The following ZNF615 variants were observed in gnomAD, a reference collection of about 807,000 sequenced individuals.
The protein encoded by ZNF615 is zinc finger protein 615.
ZNF615 carries 15 observed loss-of-function variants against 15.3 expected under a neutral mutation model. That is an observed-to-expected ratio of 0.98 (90% CI 0.66 to 1.51). The LOEUF (loss-of-function observed/expected upper bound fraction) is 1.51. Ranked by LOEUF, ZNF615 falls within the 40% of genes most tolerant of loss-of-function variation. ZNF615 has a pLI of 0.00. For synonymous variants in ZNF615, 268 were observed against 294.6 expected, an observed-to-expected ratio of 0.91 and a Z score of 0.92; for missense variants, 848 against 895.9, an observed-to-expected ratio of 0.95 and a Z score of 0.68.
rs372246788 is a variant in ZNF615, at chr19:51,994,358, C to T, written c.751G>A (p.Ala251Thr). 3.3e-5 allele frequency: 53 copies of T among 1,614,104 alleles called. No individual in the cohort carries two copies. In the South Asian group the frequency reaches 5.1e-4, roughly 15 times the overall value. Residue 251 changes from alanine to threonine, a missense_variant, in exon 7 of 7, where the codon GCT (alanine) becomes ACT (threonine). Transcript: ENST00000598071. ...KPHVCSMCGK[A>T]FSRKSRLMDH... is the part of the protein sequence containing the mutation. ...ATTAGTCTGGATTTTCTGGAGAAAGCTTTCCCACACATACTGCATACATGA... is the reference window on the plus strand; with the variant it reads ...ATTAGTCTGGATTTTCTGGAGAAAGTTTTCCCACACATACTGCATACATGA...
rs2086605715 is a variant in ZNF615 at position 52,001,872 on chromosome 19, A to C, written c.179T>G (p.Leu60Trp). The change falls in exon 5 of 7, where the codon TTG becomes TGG. Residue 60 changes from leucine (L) to tryptophan (W), a missense_variant. Physicochemically the swap from Leu to Trp is moderately conservative, Grantham distance 61. Transcript: ENST00000598071. ...QASKPDALSK[L>W]ERGEETCTTE... ...TGTGCAAGTTTCTTCTCCTCGTTCC[A>C]ATTTGGAGAGTGCATCTGGTTTGCT... 2.5e-6 allele frequency: 4 copies of C among 1,614,138 alleles called. No individual in the cohort carries two copies. The East Asian group carries it at 8.9e-5, about 36-fold the overall frequency.
chr19:51,994,306 A>T lies in ZNF615; in HGVS notation c.803T>A (p.Leu268Gln). The change falls in exon 7 of 7, where the codon CTG (leucine) becomes CAG (glutamine). Residue 268 changes from leucine (L) to glutamine (Q), a missense_variant. Leu to Gln is a moderately radical substitution (Grantham distance 113). Coordinates refer to ENST00000598071, the MANE Select transcript of ZNF615 (RefSeq NM_001199324.2). ...ACATTCAGTGCATTCATAATGTTTC[A>T]GTTCTGTATGAGTTCTCTGATGGTC... ...LMDHQRTHTELKHYECTECDK... is the reference protein window; with the variant it reads ...LMDHQRTHTEQKHYECTECDK... The T allele has an allele frequency of 1.9e-6, 3 of 1,614,120 alleles. No homozygotes were observed. The highest frequency in any genetic ancestry group is 2.5e-6 in the Non-Finnish European group (3 of 1,180,020).
At position 52,008,195 on chromosome 19, in the gene ZNF615, G is replaced by C. The variant is rs141919507; in HGVS notation, c.-282C>G. On this transcript the variant is annotated 5_prime_UTR_variant, in exon 1 of 7. Transcript: ENST00000598071. ...TCTCTCGGCCTCCTCAGTGCCTGAC[G>C]GCGACTATCCAGGGTCGGAGGCGTT... 5.3e-5 allele frequency: 81 copies of C among 1,534,634 alleles called. No individual in the cohort carries two copies. The African/African-American group carries it at 8.6e-4, about 16-fold the overall frequency.
At chr19:52,001,500 C>G in intron 5 of ZNF615, among the ~76,000 whole-genome samples, 1 of 151,824 alleles carries the variant, frequency 6.6e-6, no homozygotes, top group Non-Finnish European at 1.5e-5. Context: ...CACCTGTAGT[C>G]CCAGCTACTC....
chr19:51,998,883 G>A (rs2086515530), intron 6 of ZNF615, among the ~76,000 whole-genome samples: 1 of 152,168 alleles, frequency 6.6e-6, no homozygotes, highest in Non-Finnish European at 1.5e-5. Context: ...TCGAACTCCT[G>A]AACTCAAGTG....
At chr19:51,994,930 CTCTT>C (rs2086374965) in intron 6 of ZNF615, 93 bp from the exon 7 acceptor site, 1 of 1,190,504 alleles carries the variant, frequency 8.4e-7, no homozygotes, top group Admixed American at 2.9e-5. Flanking sequence ...TGTGAGGTGA[CTCTT>C]TAGTGAAAAC....
In ZNF615 at chr19:51,991,552, T is replaced by C. The variant is rs2086234409; in HGVS notation, c.*1328A>G. On this transcript the variant is annotated 3_prime_UTR_variant, in exon 7 of 7. Coordinates refer to ENST00000598071, the MANE Select transcript of ZNF615 (RefSeq NM_001199324.2). ...GCCAATACCAAAAGGGTACATGCTGTATGATTCCATTTTTATAACATGCTA... is the reference window on the plus strand; with the variant it reads ...GCCAATACCAAAAGGGTACATGCTGCATGATTCCATTTTTATAACATGCTA... 1 of 152,360 alleles carries C rather than the reference T, an allele frequency of 6.6e-6. No homozygotes were observed. Among genetic ancestry groups the C allele is most frequent in the Non-Finnish European group, 1.5e-5 (1 of 68,034 alleles). The allele number at this position is 152,360 out of a possible 1,614,324, so 9.4% of individuals were successfully genotyped here.
chr19:52,001,084 G>A (rs988283518), intron 5 of ZNF615, among the ~76,000 whole-genome samples: 2 of 152,054 alleles, frequency 1.3e-5, no homozygotes, highest in Non-Finnish European at 2.9e-5. Flanking sequence ...TGGGAATAAT[G>A]AAGGAAAATT....
chr19:52,007,219 C>T, intron 2 of ZNF615, 74 bp downstream of exon 2: 1 of 800,578 alleles, frequency 1.2e-6, no homozygotes, highest in Non-Finnish European at 1.8e-6. Flanking sequence ...GAATATTAAG[C>T]ACATAACATA....
Position 51,992,778 on chromosome 19 carries a change from C to A in ZNF615, c.*102G>T. ...TTCTCTGACACAAAACATGAAGTAA[C>A]TGATCACTAAATAAACAACCATGTA... On this transcript the variant is annotated 3_prime_UTR_variant, in exon 7 of 7. Transcript: ENST00000598071. 2 of 1,301,258 alleles carry A rather than the reference C, an allele frequency of 1.5e-6. No individual in the cohort carries two copies. The highest frequency in any genetic ancestry group is 1.5e-5 in the South Asian group (1 of 65,624). 80.6% of individuals were successfully genotyped at this position (1,301,258 alleles called of 1,614,324 possible). A position where few individuals can be genotyped will look rare whatever the true frequency, so the allele number is the denominator to read the frequency against.
In ZNF615 at chr19:51,993,986, G is replaced by C. The variant is rs753320956; in HGVS notation, c.1123C>G (p.Arg375Gly). ...IEKRRLTAHH[R>G]THTGEKPFIC... ...AAGGGTTTCTCACCAGTATGAGTTC[G>C]ATGATGTGCAGTAAGACGCCTCTTC... Residue 375 changes from arginine (R) to glycine (G), a missense_variant, in exon 7 of 7, where the codon CGA becomes GGA. Physicochemically the swap from Arg to Gly is moderately radical, Grantham distance 125 (BLOSUM62 -2). Coordinates refer to ENST00000598071, the MANE Select transcript of ZNF615 (RefSeq NM_001199324.2). 2 of 1,612,048 alleles carry C rather than the reference G, an allele frequency of 1.2e-6. No individual in the cohort carries two copies. The highest frequency in any genetic ancestry group is 1.7e-5 in the Admixed American group (1 of 59,884).
rs749692394 is a variant in ZNF615 at position 51,993,112 on chromosome 19, G to C, written c.1997C>G (p.Thr666Ser). ...GCGCAAAGAGAATTTTCCACATTCA[G>C]TACATGCAAAGGAAGTCTTTCCTGT... is the stretch of plus-strand genomic sequence containing the variant. ...FHTGKTSFACTECGKFSLRKN... is the reference protein window; with the variant it reads ...FHTGKTSFACSECGKFSLRKN... Residue 666 changes from threonine (T) to serine (S), a missense_variant, in exon 7 of 7, where the codon ACT (threonine) becomes AGT (serine). Thr to Ser is a moderately conservative substitution (Grantham distance 58, BLOSUM62 1). Coordinates refer to ENST00000598071, the MANE Select transcript of ZNF615 (RefSeq NM_001199324.2). 4.3e-6 allele frequency: 7 copies of C among 1,614,060 alleles called. No individual in the cohort carries two copies. In the South Asian group the frequency reaches 4.4e-5, roughly 10 times the overall value.
chr19:51,993,601 C>A lies in ZNF615; in HGVS notation c.1508G>T (p.Gly503Val). ...AATAAGGCGGCTCTTCACAGTGAAG[C>A]CTTTTCCACAATCATTGCATATATA... ...KPYICNDCGKGFTVKSRLIVH... is the reference protein window; with the variant it reads ...KPYICNDCGKVFTVKSRLIVH... The change falls in exon 7 of 7, where the codon GGC (glycine) becomes GTC (valine). Residue 503 changes from glycine to valine, a missense_variant. Gly to Val is a moderately radical substitution (Grantham distance 109). Coordinates refer to ENST00000598071, the MANE Select transcript of ZNF615 (RefSeq NM_001199324.2). 1 of 1,614,030 alleles carries A rather than the reference C, an allele frequency of 6.2e-7. No homozygotes were observed. The highest frequency in any genetic ancestry group is 8.5e-7 in the Non-Finnish European group (1 of 1,180,000).
chr19:51,994,245 T>C lies in ZNF615; in HGVS notation c.864A>G (p.Ile288Met). Residue 288 changes from isoleucine (I) to methionine (M), a missense_variant, in exon 7 of 7, where the codon ATA becomes ATG. By Grantham distance (10) the Ile-to-Met change is conservative. Transcript: ENST00000598071. ...KTFLKKSQLN[I>M]HQKTHMGGKP... is the part of the protein sequence containing the mutation. The stretch of plus-strand genomic sequence containing the variant: ...TCCCTCCCATATGAGTTTTCTGATG[T>C]ATATTGAGCTGTGATTTCTTGAGGA... 2 of 1,614,088 alleles carry C rather than the reference T, an allele frequency of 1.2e-6. No individual in the cohort carries two copies.
rs1376411164 is a variant in ZNF615 at position 51,994,736 on chromosome 19, C to T, written c.373G>A (p.Val125Ile). ...AGGAAATGACCTTTGTTCTGATTAA[C>T]AATATTTCCAAACATATTCTGTTCA... ...CHEQNMFGNI[V>I]NQNKGHFLLK... The change falls in exon 7 of 7, where the codon GTT (valine) becomes ATT (isoleucine). Residue 125 changes from valine (V) to isoleucine (I), a missense_variant. By Grantham distance (29) the Val-to-Ile change is conservative. Coordinates refer to ENST00000598071, the MANE Select transcript of ZNF615 (RefSeq NM_001199324.2). The T allele has an allele frequency of 6.2e-7, 1 of 1,613,798 alleles. No homozygotes were observed. Among genetic ancestry groups the T allele is most frequent in the Middle Eastern group, 1.7e-4 (1 of 6,060 alleles).
chr19:51,996,372 C>G (rs1297063509), intron 6 of ZNF615, among the ~76,000 whole-genome samples: 1 of 84,476 alleles, frequency 1.2e-5, no homozygotes, highest in African/African-American at 4.7e-5. Flanking sequence ...GGTGACACAG[C>G]AAGACTCTGT....
intron 3 of ZNF615, among the ~76,000 whole-genome samples, chr19:52,003,260 A>G (rs2086657027): frequency 1.3e-5 from 2 of 152,368 alleles, no homozygotes; most frequent in East Asian, 3.9e-4. Context: ...AGAAACAGCT[A>G]AAAGAAATCT....
intron 2 of ZNF615, chr19:52,004,838 G>C (rs963174324): frequency 2.0e-5 from 3 of 152,212 alleles, no homozygotes; most frequent in African/African-American, 7.2e-5. Flanking sequence ...AGTGTAAGCA[G>C]AGGAGCAAGG....
chr19:51,998,947 GC>G lies in ZNF615; in HGVS notation c.271+1398del, dbSNP rs1291041375. Reference sequence around the variant, plus strand: ...TGGGATTACAGGCATGAGCCACCGCGCCCAGCCCAAAACACAAGTTTTAAAG... The same window carrying G: ...TGGGATTACAGGCATGAGCCACCGCGCCAGCCCAAAACACAAGTTTTAAAG... On this transcript the variant is annotated intron_variant, in intron 6 of 6. Coordinates refer to ENST00000598071, the MANE Select transcript of ZNF615 (RefSeq NM_001199324.2). Among the ~76,000 whole-genome samples, 4 of 152,224 alleles carry G rather than the reference GC, an allele frequency of 2.6e-5. No individual in the cohort carries two copies. The East Asian group carries it at 7.7e-4, about 29-fold the overall frequency.
Sources: gnomAD v4.1 joint callset for allele counts (sites outside exome capture counted in the v4.1 genomes callset) on GRCh38, gnomAD v4.1.1 for gene constraint, MANE v1.5 for transcripts, NCBI Gene and HGNC (gene_info 2026-07-23, HGNC 2026-07-21) for gene names.